SERGEF: variants seen among roughly 807,000 people sequenced by gnomAD.
SERGEF encodes the protein secretion-regulating guanine nucleotide exchange factor.
A neutral mutation model predicts 50.0 loss-of-function variants in SERGEF; 51 were observed. The observed-to-expected ratio is 1.02, with a 90% CI of 0.81 to 1.29. SERGEF has a LOEUF of 1.29. Ranked by LOEUF, SERGEF falls within the 50% of genes most tolerant of loss-of-function variation. SERGEF has a pLI of 0.00. For synonymous variants in SERGEF, 205 were observed against 212.4 expected, an observed-to-expected ratio of 0.97 and a Z score of 0.30; for missense variants, 521 against 557.0, an observed-to-expected ratio of 0.94 and a Z score of 0.65.
intron 10 of SERGEF, among the ~76,000 whole-genome samples, chr11:17,816,364 A>G (rs1849974447): frequency 6.6e-6 from 1 of 152,228 alleles, no homozygotes; most frequent in Non-Finnish European, 1.5e-5. Flanking sequence ...AATCACAGGA[A>G]TCCAAACATA....
chr11:17,793,020 G>C (rs774496363), intron 10 of SERGEF, among the ~76,000 whole-genome samples: 1 of 152,150 alleles, frequency 6.6e-6, no homozygotes, highest in Non-Finnish European at 1.5e-5. Flanking sequence ...TATGGACTAC[G>C]CTATGCTGTC....
chr11:17,945,460 A>T (rs1435354007), intron 9 of SERGEF, among the ~76,000 whole-genome samples: 1 of 152,256 alleles, frequency 6.6e-6, no homozygotes, highest in Admixed American at 6.5e-5. Context: ...AAAATTAAAA[A>T]TTCAGTCAGT....
At chr11:17,927,734 G>T (rs185627915) in intron 9 of SERGEF, among the ~76,000 whole-genome samples, 1 of 152,350 alleles carries the variant, frequency 6.6e-6, no homozygotes, top group Admixed American at 6.5e-5. Flanking sequence ...TGTTAGAAGT[G>T]GAAAGTAGCC....
intron 10 of SERGEF, among the ~76,000 whole-genome samples, chr11:17,845,708 T>C (rs530721317): frequency 6.6e-6 from 1 of 152,358 alleles, no homozygotes; most frequent in Non-Finnish European, 1.5e-5. Context: ...GACTCATGTT[T>C]ATAATCCATA....
intron 5 of SERGEF, 94 bp downstream of exon 5, chr11:18,000,403 C>A: frequency 2.5e-6 from 2 of 795,250 alleles, no homozygotes; most frequent in South Asian, 1.8e-5. Flanking sequence ...AAGCTATGAT[C>A]GAGCCACTGC....
At chr11:17,981,399 G>A (rs1224560294) in intron 8 of SERGEF, among the ~76,000 whole-genome samples, 2 of 152,196 alleles carry the variant, frequency 1.3e-5, no homozygotes, top group Admixed American at 6.5e-5. Flanking sequence ...AAGAAGTTTA[G>A]CTGATGAGTT....
chr11:17,829,752 T>G (rs563291242), intron 10 of SERGEF, among the ~76,000 whole-genome samples: 1 of 152,208 alleles, frequency 6.6e-6, no homozygotes, highest in East Asian at 1.9e-4. Context: ...GATGAAAACT[T>G]TTAGGGGTGA....
intron 10 of SERGEF, among the ~76,000 whole-genome samples, chr11:17,862,717 T>C (rs2133884252): frequency 6.6e-6 from 1 of 152,242 alleles, no homozygotes; most frequent in Non-Finnish European, 1.5e-5. Flanking sequence ...GGCAATACTG[T>C]GAGTCTGAGT....
chr11:17,997,276 T>C (rs1325193729), intron 5 of SERGEF, among the ~76,000 whole-genome samples: 1 of 152,142 alleles, frequency 6.6e-6, no homozygotes, highest in Non-Finnish European at 1.5e-5. Context: ...AAGTGTCCAG[T>C]AAAAACATGA....
At chr11:17,907,753 G>C (rs1422194505) in intron 9 of SERGEF, among the ~76,000 whole-genome samples, 1 of 152,222 alleles carries the variant, frequency 6.6e-6, no homozygotes, top group Non-Finnish European at 1.5e-5. Flanking sequence ...GATAAAGGTA[G>C]AGTCAGCCAA....
intron 10 of SERGEF, among the ~76,000 whole-genome samples, chr11:17,814,867 G>C (rs982976840): frequency 6.6e-6 from 1 of 152,178 alleles, no homozygotes; most frequent in Non-Finnish European, 1.5e-5. Flanking sequence ...CATTCAAGCA[G>C]GATGACCTGC....
chr11:17,981,655 T>C (rs1853497416), intron 8 of SERGEF, among the ~76,000 whole-genome samples: 2 of 152,242 alleles, frequency 1.3e-5, no homozygotes, highest in Admixed American at 6.5e-5. Flanking sequence ...TGTATTCTCA[T>C]GTAGCTGCTT....
At chr11:17,992,883 T>C in intron 7 of SERGEF, 48 bp downstream of exon 7, 1 of 1,498,842 alleles carries the variant, frequency 6.7e-7, no homozygotes, top group African/African-American at 1.4e-5. Flanking sequence ...GGCAGTCACA[T>C]ACAGAATCCT....
At chr11:17,838,053 T>C (rs1850437349) in intron 10 of SERGEF, among the ~76,000 whole-genome samples, 1 of 152,230 alleles carries the variant, frequency 6.6e-6, no homozygotes. Context: ...CTTCAGGGCA[T>C]GCACAACACT....
Position 18,012,946 on chromosome 11 carries a change from C to G in SERGEF, c.60+5G>C. 6.6e-7 allele frequency: 1 copy of G among 1,504,110 alleles called. No individual in the cohort carries two copies. Among genetic ancestry groups the G allele is most frequent in the Non-Finnish European group, 8.8e-7 (1 of 1,135,604 alleles). 93.2% of individuals were successfully genotyped at this position (1,504,110 alleles called of 1,614,324 possible). On this transcript the variant is annotated splice_donor_5th_base_variant and intron_variant, in intron 1 of 10. Coordinates refer to ENST00000265965, the MANE Select transcript of SERGEF (RefSeq NM_012139.4). ...CTGCACCGGCCCGGGGGCGGAGTCA[C>G]GTACCCAGGCGAAGAGCGCGGCCGC...
Position 17,911,121 on chromosome 11 carries a change from T to A in SERGEF, c.1012-32877A>T, listed in dbSNP as rs1467719948. Reference sequence around the variant, plus strand: ...CAACAAATACTTTTGAAGAACTTAATATGTATCAGGTAATGTTTTAAGCAC... The same window carrying A: ...CAACAAATACTTTTGAAGAACTTAAAATGTATCAGGTAATGTTTTAAGCAC... On this transcript the variant is annotated intron_variant, in intron 9 of 10. Transcript: ENST00000265965. Among the ~76,000 whole-genome samples the A allele has an allele frequency of 2.0e-5, 3 of 152,116 alleles. No individual in the cohort carries two copies. In the East Asian group the frequency reaches 5.8e-4, roughly 29 times the overall value.
chr11:17,963,500 G>A (rs1047403163), intron 8 of SERGEF, among the ~76,000 whole-genome samples: 1 of 148,232 alleles, frequency 6.7e-6, no homozygotes, highest in Non-Finnish European at 1.5e-5. Flanking sequence ...CAATTCTCCC[G>A]CCTCAGCCTC....
At position 17,820,434 on chromosome 11, in the gene SERGEF, G is replaced by A. The variant is rs1210239164; in HGVS notation, c.1049-32021C>T. ...AGACTTCTAAACAATTCTGGTCAGT[G>A]TGCCATGGGAGGAAGAGAATGGGCT... is the stretch of plus-strand genomic sequence containing the variant. On this transcript the variant is annotated intron_variant, in intron 10 of 10. Coordinates refer to ENST00000265965, the MANE Select transcript of SERGEF (RefSeq NM_012139.4). Among the ~76,000 whole-genome samples, 5 of 152,220 alleles carry A rather than the reference G, an allele frequency of 3.3e-5. No individual in the cohort carries two copies. In the East Asian group the frequency reaches 9.6e-4, roughly 29 times the overall value.
intron 8 of SERGEF, among the ~76,000 whole-genome samples, chr11:17,986,593 G>A (rs922351076): frequency 3.8e-4 from 58 of 152,196 alleles, no homozygotes; most frequent in African/African-American, 1.3e-3. Context: ...TGTGGGAATC[G>A]CATCAGCTAG....
Sources: allele counts gnomAD v4.1 joint callset (sites outside exome capture counted in the v4.1 genomes callset), GRCh38; gene constraint gnomAD v4.1.1; transcripts MANE v1.5; gene names NCBI Gene and HGNC (gene_info 2026-07-23, HGNC 2026-07-21).